The following MCM7 variants were observed in gnomAD, a reference collection of about 807,000 sequenced individuals.
MCM7 encodes the protein DNA replication licensing factor MCM7.
A neutral mutation model predicts 83.5 loss-of-function variants in MCM7; 95 were observed. That is an observed-to-expected ratio of 1.14 (90% CI 0.96 to 1.35). The LOEUF is 1.35. Among genes scored for constraint, MCM7 ranks in the 40% most tolerant of loss-of-function variants. The probability of loss-of-function intolerance (pLI) is 0.00; values close to 1 mark genes in which losing one functional copy is unlikely to be tolerated. For synonymous variants in MCM7, 461 were observed against 352.7 expected (o/e 1.31, Z -3.44); for missense variants, 1,087 against 957.4 (o/e 1.14, Z -1.79).
intron 6 of MCM7, 70 bp downstream of exon 6, chr7:100,098,508 T>G: frequency 6.3e-7 from 1 of 1,595,500 alleles, no homozygotes; most frequent in Non-Finnish European, 8.6e-7. Context: ...TTCCTGCCAT[T>G]CCACAAGTGA....
At position 100,099,315 on chromosome 7, in the gene MCM7, G is replaced by A; in HGVS notation, c.365C>T (p.Pro122Leu). Residue 122 changes from proline to leucine, a missense_variant, in exon 4 of 15, where the codon CCC (proline) becomes CTC (leucine). Pro to Leu is a moderately conservative substitution (Grantham distance 98, BLOSUM62 -3). Coordinates refer to ENST00000303887, the MANE Select transcript of MCM7 (RefSeq NM_005916.5). ...GAGTTCAGCAGGGTACTGGTTCTGG[G>A]GGCTTCGGACCATCCCAGGGTCCCG... The part of the protein sequence containing the change: ...RSRDPGMVRS[P>L]QNQYPAELMR... The A allele has an allele frequency of 1.9e-6, 3 of 1,613,898 alleles. No homozygotes were observed. The highest frequency in any genetic ancestry group is 1.1e-5 in the South Asian group (1 of 91,074).
In MCM7 at chr7:100,092,869, C is replaced by T. The variant is rs1341021161; in HGVS notation, c.*63G>A. The T allele has an allele frequency of 6.4e-7, 1 of 1,574,700 alleles. No individual in the cohort carries two copies. Among genetic ancestry groups the T allele is most frequent in the Non-Finnish European group, 8.7e-7 (1 of 1,144,948 alleles). ...CTCCTTCCCCTCAAAGGCATCACTG[C>T]CCCTTCCCAAGGGGCAGGCCAGCAG... On this transcript the variant is annotated 3_prime_UTR_variant, in exon 15 of 15. Transcript: ENST00000303887.
In MCM7 at chr7:100,094,249, T is replaced by C; in HGVS notation, c.1772A>G (p.Glu591Gly). ...ITAAYVEMRR[E>G]AWASKDATYT... is the part of the protein sequence containing the mutation. Reference sequence around the variant, plus strand: ...GGTGGCATCCTTACTAGCCCAAGCCTCTCGCCTCATCTCCACGTATGCTGC... The same window carrying C: ...GGTGGCATCCTTACTAGCCCAAGCCCCTCGCCTCATCTCCACGTATGCTGC... Residue 591 changes from glutamate (E) to glycine (G), a missense_variant, in exon 13 of 15, where the codon GAG (glutamate) becomes GGG (glycine). Glu to Gly is a moderately conservative substitution (Grantham distance 98). Transcript: ENST00000303887. 1 of 1,614,170 alleles carries C rather than the reference T, an allele frequency of 6.2e-7. No homozygotes were observed. Among genetic ancestry groups the C allele is most frequent in the Non-Finnish European group, 8.5e-7 (1 of 1,180,034 alleles).
rs1795384033 is a variant in MCM7 at position 100,092,836 on chromosome 7, A to G, written c.*96T>C. The G allele has an allele frequency of 1.6e-6, 2 of 1,289,518 alleles. No individual in the cohort carries two copies. Among genetic ancestry groups the G allele is most frequent in the East Asian group, 2.3e-5 (1 of 43,206 alleles). 79.9% of individuals were successfully genotyped at this position (1,289,518 alleles called of 1,614,324 possible). The stretch of plus-strand genomic sequence containing the variant: ...GGAGTAAGTGCAGCATGGGAGAAAG[A>G]GGGGCTCCTCCTTCCCCTCAAAGGC... On this transcript the variant is annotated 3_prime_UTR_variant, in exon 15 of 15. Transcript: ENST00000303887.
intron 12 of MCM7, among the ~76,000 whole-genome samples, chr7:100,094,755 TATC>T (rs767849291): frequency 1.2e-4 from 18 of 152,184 alleles, no homozygotes; most frequent in Admixed American, 3.9e-4. Context: ...CGATAGAGAT[TATC>T]ATCCAGAATG....
chr7:100,099,788 C>G (rs1795851693), intron 2 of MCM7, 35 bp from the exon 3 acceptor site: 2 of 1,609,952 alleles, frequency 1.2e-6, no homozygotes, highest in Non-Finnish European at 1.7e-6. Flanking sequence ...ACCTCAGAGC[C>G]ACATTCACTT....
In MCM7 at chr7:100,096,125, G is replaced by GT. The variant is rs765038713; in HGVS notation, c.1243dup (p.Thr415AsnfsTer24). 3 of 1,613,204 alleles carry GT rather than the reference G, an allele frequency of 1.9e-6. No homozygotes were observed. The highest frequency in any genetic ancestry group is 3.3e-5 in the Admixed American group (2 of 59,974). Reference sequence around the variant, plus strand: ...CACGGAGTCTCTCAGCACAGCTGCCGTAAGCCCCACTCCTGAGGAGCCCCG... The same window carrying GT: ...CACGGAGTCTCTCAGCACAGCTGCCGTTAAGCCCCACTCCTGAGGAGCCCCG... On this transcript the variant is annotated frameshift_variant, in exon 11 of 15. Transcript: ENST00000303887. LOFTEE classifies it high-confidence loss of function.
Position 100,092,823 on chromosome 7 carries a change from G to T in MCM7, c.*109C>A. 19 of 1,137,250 alleles carry T rather than the reference G, an allele frequency of 1.7e-5. No individual in the cohort carries two copies. In the South Asian group the frequency reaches 2.5e-4, roughly 15 times the overall value. The allele number at this position is 1,137,250 out of a possible 1,614,324, so 70.4% of individuals were successfully genotyped here. On this transcript the variant is annotated 3_prime_UTR_variant, in exon 15 of 15. Transcript: ENST00000303887. The stretch of plus-strand genomic sequence containing the variant: ...TTTATTAGCAAAAGGAGTAAGTGCA[G>T]CATGGGAGAAAGAGGGGCTCCTCCT...
intron 14 of MCM7, 50 bp downstream of exon 14, chr7:100,093,242 G>T (rs990734279): frequency 6.3e-7 from 1 of 1,595,298 alleles, no homozygotes; most frequent in Admixed American, 1.7e-5. Context: ...TCAGACACAT[G>T]GCCACAGAAG....
At chr7:100,093,705 C>A (rs1795455730) in intron 13 of MCM7, 3 of 673,788 alleles carry the variant, frequency 4.5e-6, no homozygotes, top group Non-Finnish European at 8.6e-6. Context: ...ACTGGGCTCC[C>A]CAGCATGACA....
chr7:100,099,425 A>AC, intron 3 of MCM7, 22 bp from the exon 4 acceptor site: 1 of 1,586,392 alleles, frequency 6.3e-7, no homozygotes, highest in Non-Finnish European at 8.5e-7. Context: ...GAACAAAAAA[A>AC]AAAAAAAAAA....
At position 100,098,403 on chromosome 7, in the gene MCM7, A is replaced by G. The variant is rs1288854688; in HGVS notation, c.721-113T>C. 4.0e-6 allele frequency: 6 copies of G among 1,497,182 alleles called. No homozygotes were observed. The African/African-American group carries it at 5.5e-5, about 14-fold the overall frequency. 92.7% of individuals were successfully genotyped at this position (1,497,182 alleles called of 1,614,324 possible). ...GCTACCCAGCCACAGACAAGCCCAC[A>G]GCAGGGGTGCTGAGACCTCCTTTCC... On this transcript the variant is annotated intron_variant, in intron 6 of 14. Coordinates refer to ENST00000303887, the MANE Select transcript of MCM7 (RefSeq NM_005916.5).
Position 100,098,286 on chromosome 7 carries a change from T to C in MCM7, c.725A>G (p.Asp242Gly), listed in dbSNP as rs1163221510. The C allele has an allele frequency of 1.9e-6, 3 of 1,614,042 alleles. No homozygotes were observed. Among genetic ancestry groups the C allele is most frequent in the Non-Finnish European group, 1.7e-6 (2 of 1,179,992 alleles). Residue 242 changes from aspartate (D) to glycine (G), a missense_variant, in exon 7 of 15, where the codon GAT (aspartate) becomes GGT (glycine). By Grantham distance (94) the Asp-to-Gly change is moderately conservative. Transcript: ENST00000303887. ...FQEMKMQEHS[D>G]QVPVGNIPRS... ...AGGGATATTTCCCACAGGCACCTGATCACTCTAGGGGAGGGAAAGGCACAT... is the reference window on the plus strand; with the variant it reads ...AGGGATATTTCCCACAGGCACCTGACCACTCTAGGGGAGGGAAAGGCACAT...
At position 100,093,003 on chromosome 7, in the gene MCM7, C is replaced by A; in HGVS notation, c.2089G>T (p.Ala697Ser). 1 of 1,614,248 alleles carries A rather than the reference C, an allele frequency of 6.2e-7. No homozygotes were observed. Among genetic ancestry groups the A allele is most frequent in the Non-Finnish European group, 8.5e-7 (1 of 1,180,048 alleles). The change falls in exon 15 of 15, where the codon GCT becomes TCT. Residue 697 changes from alanine to serine, a missense_variant. Physicochemically the swap from Ala to Ser is moderately conservative, Grantham distance 99 (BLOSUM62 1). Transcript: ENST00000303887. Reference sequence around the variant, plus strand: ...TTGAGCTCCTCATATTCATCCAGAGCCGCCTGGAACTGGGCGGGTGTGAAG... The same window carrying A: ...TTGAGCTCCTCATATTCATCCAGAGACGCCTGGAACTGGGCGGGTGTGAAG... ...RGFTPAQFQA[A>S]LDEYEELNVW...
In MCM7 at chr7:100,097,433, G is replaced by A; in HGVS notation, c.1118-49C>T. The A allele has an allele frequency of 2.5e-6, 4 of 1,600,620 alleles. No homozygotes were observed. In the South Asian group the frequency reaches 4.4e-5, roughly 18 times the overall value. ...GGAATGACTCTTCTCCCAGTGCTTG[G>A]CCAACAACAGAGCAATTTTGAGTTC... On this transcript the variant is annotated intron_variant, in intron 9 of 14. Coordinates refer to ENST00000303887, the MANE Select transcript of MCM7 (RefSeq NM_005916.5).
chr7:100,098,855 A>G, intron 5 of MCM7, 140 bp from the exon 6 acceptor site: 1 of 1,369,002 alleles, frequency 7.3e-7, no homozygotes, highest in Admixed American at 2.3e-5. Context: ...TGGGTCAACA[A>G]CAAACACCCA....
intron 9 of MCM7, 78 bp from the exon 10 acceptor site, chr7:100,097,462 C>G: frequency 6.3e-7 from 1 of 1,575,600 alleles, no homozygotes; most frequent in Non-Finnish European, 8.7e-7. Context: ...TGAGTTCTGC[C>G]TACCCCTAAC....
At chr7:100,096,626 G>T (rs1038133036) in intron 10 of MCM7, among the ~76,000 whole-genome samples, 9 of 151,746 alleles carry the variant, frequency 5.9e-5, no homozygotes, top group African/African-American at 2.2e-4. Context: ...AATACAAAAA[G>T]TGGCCAAGTG....
At chr7:100,099,908 C>T (rs1334724611) in intron 2 of MCM7, 106 bp downstream of exon 2, 15 of 1,418,270 alleles carry the variant, frequency 1.1e-5, no homozygotes, top group Non-Finnish European at 1.4e-5. Flanking sequence ...GCTTTTCAGC[C>T]CTCAAACCCT....
Sources: allele counts gnomAD v4.1 joint callset (sites outside exome capture counted in the v4.1 genomes callset), GRCh38; gene constraint gnomAD v4.1.1; transcripts MANE v1.5; gene names NCBI Gene and HGNC (gene_info 2026-07-23, HGNC 2026-07-21).